SKA3: variants seen among roughly 807,000 people sequenced by gnomAD.
The protein encoded by SKA3 is spindle and kinetochore associated complex subunit 3, also known as spindle and kinetochore-associated protein 3.
In SKA3, 39 loss-of-function variants were observed where a neutral mutation model predicts 44.2. The ratio of observed to expected loss-of-function variants is 0.88; its 90% CI spans 0.68 to 1.15. The LOEUF is 1.15. Ranked by LOEUF, SKA3 falls within the 50% of genes most tolerant of loss-of-function variation. The pLI is 0.00. For missense variants in SKA3, 511 were observed against 485.8 expected (o/e 1.05, Z -0.49); for synonymous variants, 192 against 172.0 (o/e 1.12, Z -0.91).
chr13:21,163,816 T>C (rs531522185), intron 4 of SKA3, among the ~76,000 whole-genome samples: 1 of 152,304 alleles, frequency 6.6e-6, no homozygotes, highest in African/African-American at 2.4e-5. Context: ...TAAGCTGGAG[T>C]GCAGTGGCAC....
intron 7 of SKA3, 96 bp downstream of exon 7, chr13:21,157,826 T>C: frequency 1.2e-6 from 1 of 854,472 alleles, no homozygotes; most frequent in Non-Finnish European, 1.8e-6. Context: ...AGCCCAATGA[T>C]AAATAAGACA....
chr13:21,156,455 A>AT (rs1870124890), intron 7 of SKA3, among the ~76,000 whole-genome samples: 1 of 152,138 alleles, frequency 6.6e-6, no homozygotes, highest in Non-Finnish European at 1.5e-5. Context: ...ATCAGCTATA[A>AT]TTTTTTCATG....
At chr13:21,168,963 T>A (rs1380949332) in intron 3 of SKA3, among the ~76,000 whole-genome samples, 1 of 152,144 alleles carries the variant, frequency 6.6e-6, no homozygotes, top group African/African-American at 2.4e-5. Context: ...TATTCACAAA[T>A]AAAAGTCCAA....
chr13:21,163,735 C>G (rs867849356), intron 4 of SKA3, among the ~76,000 whole-genome samples: 1 of 152,068 alleles, frequency 6.6e-6, no homozygotes. Context: ...TAAAAGTGTT[C>G]ATATGCTTAT....
chr13:21,164,065 CTTCTT>C (rs201967743), intron 4 of SKA3, among the ~76,000 whole-genome samples: 1,693 of 152,006 alleles, frequency 0.011, 26 homozygotes, highest in African/African-American at 0.039. Context: ...CGCCCGGCCT[CTTCTT>C]TTGTTAATTC....
intron 4 of SKA3, among the ~76,000 whole-genome samples, chr13:21,163,953 A>G (rs1870572156): frequency 6.6e-6 from 1 of 151,714 alleles, no homozygotes; most frequent in African/African-American, 2.4e-5. Context: ...TAGTAGAGCC[A>G]GGGTTTCACC....
At chr13:21,165,872 T>C (rs904898769) in intron 4 of SKA3, among the ~76,000 whole-genome samples, 11 of 150,378 alleles carry the variant, frequency 7.3e-5, no homozygotes, top group African/African-American at 2.5e-4. Flanking sequence ...GAGGCAGAGG[T>C]TGCAGTGAGC....
At chr13:21,164,011 A>T (rs1595300476) in intron 4 of SKA3, among the ~76,000 whole-genome samples, 1 of 151,658 alleles carries the variant, frequency 6.6e-6, no homozygotes, top group Admixed American at 6.6e-5. Flanking sequence ...TGATCCACCC[A>T]CCTTGGCCTC....
chr13:21,173,294 T>C (rs944163451), intron 1 of SKA3, among the ~76,000 whole-genome samples: 1 of 152,188 alleles, frequency 6.6e-6, no homozygotes, highest in African/African-American at 2.4e-5. Flanking sequence ...TTCGCTCTTG[T>C]TGCCCAGGCT....
At chr13:21,160,136 TTG>T (rs1484020444) in intron 5 of SKA3, 149 bp from the exon 6 acceptor site, 1 of 498,564 alleles carries the variant, frequency 2.0e-6, no homozygotes, top group African/African-American at 2.0e-5. Flanking sequence ...TAACAAATAG[TTG>T]TGTTGTAATA....
chr13:21,165,751 G>A (rs1595301525), intron 4 of SKA3, among the ~76,000 whole-genome samples: 1 of 151,896 alleles, frequency 6.6e-6, no homozygotes, highest in Non-Finnish European at 1.5e-5. Context: ...TCTGGGCAAC[G>A]TGGCAAAACC....
chr13:21,164,642 GGT>G (rs1164684266), intron 4 of SKA3, among the ~76,000 whole-genome samples: 4 of 152,166 alleles, frequency 2.6e-5, no homozygotes, highest in Admixed American at 6.5e-5. Context: ...GGCTGCTTTT[GGT>G]GTTAGTGGTT....
chr13:21,154,614 A>C lies in SKA3; in HGVS notation c.*536T>G. On this transcript the variant is annotated 3_prime_UTR_variant, in exon 9 of 9. Coordinates refer to ENST00000314759, the MANE Select transcript of SKA3 (RefSeq NM_145061.6). ...TGTCTCTACCTCCAATGGTCACAGT[A>C]TATAGTTACCCAGGCCTGGAAATCT... The C allele has an allele frequency of 6.1e-6, 1 of 164,488 alleles. No individual in the cohort carries two copies. Among genetic ancestry groups the C allele is most frequent in the Non-Finnish European group, 1.3e-5 (1 of 74,902 alleles). The allele number at this position is 164,488 out of a possible 1,614,324, so 10.2% of individuals were successfully genotyped here.
At chr13:21,172,562 A>G (rs1037560704) in intron 2 of SKA3, 58 bp from the exon 3 acceptor site, 10 of 1,368,510 alleles carry the variant, frequency 7.3e-6, no homozygotes, top group African/African-American at 1.5e-5. Flanking sequence ...AAATCTATTT[A>G]GGATAAAAAA....
At chr13:21,173,272 T>C (rs1871178419) in intron 1 of SKA3, among the ~76,000 whole-genome samples, 2 of 152,206 alleles carry the variant, frequency 1.3e-5, no homozygotes, top group South Asian at 4.1e-4. Context: ...TTTTCTTTTT[T>C]TGAGATGGAG....
At chr13:21,174,231 ATCACTGGG>A (rs1292596792) in intron 1 of SKA3, among the ~76,000 whole-genome samples, 1 of 152,230 alleles carries the variant, frequency 6.6e-6, no homozygotes, top group East Asian at 1.9e-4. Context: ...CAGCCATCCC[ATCACTGGG>A]TATATACCCA....
chr13:21,160,076 T>A, intron 5 of SKA3, 89 bp from the exon 6 acceptor site: 1 of 905,950 alleles, frequency 1.1e-6, no homozygotes, highest in Non-Finnish European at 1.6e-6. Flanking sequence ...ACATATGTAA[T>A]TATCATTAGC....
At chr13:21,161,936 A>C in intron 4 of SKA3, 61 bp from the exon 5 acceptor site, 1 of 1,084,484 alleles carries the variant, frequency 9.2e-7, no homozygotes. Context: ...CTCTGGGAAA[A>C]AAATTTAACC....
rs928023792 is a variant in SKA3, at chr13:21,168,129, A to G, written c.602T>C (p.Leu201Pro). The change falls in exon 4 of 9, where the codon CTA becomes CCA. Residue 201 changes from leucine to proline, a missense_variant. Physicochemically the swap from Leu to Pro is moderately conservative, Grantham distance 98 (BLOSUM62 -3). Transcript: ENST00000314759. ...PPTKQSLVKV[L>P]KTPKCALKMD... ...TTTTAGTGCACATTTTGGAGTTTTTAGTACTTTTACTAGTGATTGTTTGGT... is the reference window on the plus strand; with the variant it reads ...TTTTAGTGCACATTTTGGAGTTTTTGGTACTTTTACTAGTGATTGTTTGGT... The G allele has an allele frequency of 2.1e-5, 34 of 1,614,210 alleles. No homozygotes were observed. The highest frequency in any genetic ancestry group is 2.8e-5 in the Non-Finnish European group (33 of 1,180,042).
Sources: allele counts gnomAD v4.1 joint callset (sites outside exome capture counted in the v4.1 genomes callset), GRCh38; gene constraint gnomAD v4.1.1; transcripts MANE v1.5; gene names NCBI Gene and HGNC (gene_info 2026-07-23, HGNC 2026-07-21).